ZNF32: variants seen among roughly 807,000 people sequenced by gnomAD.
The protein encoded by ZNF32 is zinc finger protein 32, also known as C2H2-546.
In ZNF32, 13 loss-of-function variants were observed where a neutral mutation model predicts 24.4. That is an observed-to-expected ratio of 0.53 (90% confidence interval 0.35 to 0.85). The LOEUF (loss-of-function observed/expected upper bound fraction) is 0.85, where lower values mean the gene tolerates loss of function less well. Ranked by LOEUF, ZNF32 falls within the 40% of genes least tolerant of loss-of-function variation. The pLI is 0.01. For synonymous variants in ZNF32, 115 were observed against 117.4 expected, an observed-to-expected ratio of 0.98 and a Z score of 0.13; for missense variants, 239 against 325.3, an observed-to-expected ratio of 0.73 and a Z score of 2.04.
At chr10:43,645,818 G>T in intron 2 of ZNF32, 1 of 664,450 alleles carries the variant, frequency 1.5e-6, no homozygotes, top group Non-Finnish European at 2.2e-6. Flanking sequence ...ACAGTGCTGA[G>T]ATTTAAGCTG....
chr10:43,647,391 A>T (rs10751330), intron 1 of ZNF32, among the ~76,000 whole-genome samples: 51,621 of 151,460 alleles, frequency 0.34, 9,301 homozygotes, highest in East Asian at 0.68. Context: ...TCTATTTTTT[A>T]AAAAAAATAT....
chr10:43,648,193 G>C (rs1304295346), intron 1 of ZNF32, among the ~76,000 whole-genome samples: 1 of 152,130 alleles, frequency 6.6e-6, no homozygotes, highest in East Asian at 1.9e-4. Context: ...CAATGAGAAG[G>C]AAAGAACCAA....
At chr10:43,647,103 G>A (rs1839326181) in intron 1 of ZNF32, 1 of 152,124 alleles carries the variant, frequency 6.6e-6, no homozygotes, top group Non-Finnish European at 1.5e-5. Context: ...ATTTTGCTCT[G>A]TTGCCCAGGC....
At chr10:43,646,877 C>CAAAGGTTCAAATCCA in intron 1 of ZNF32, among the ~76,000 whole-genome samples, 1 of 152,272 alleles carries the variant, frequency 6.6e-6, no homozygotes, top group Middle Eastern at 3.4e-3. Flanking sequence ...CAAAGTGGAG[C>CAAAGGTTCAAATCCA]AAAGGTTCAA....
chr10:43,646,906 C>T (rs997602262), intron 1 of ZNF32, among the ~76,000 whole-genome samples: 1 of 152,160 alleles, frequency 6.6e-6, no homozygotes, highest in African/African-American at 2.4e-5. Flanking sequence ...CTTTCTGGAT[C>T]CAAAATGTAT....
chr10:43,646,521 C>G (rs763143160), intron 1 of ZNF32, among the ~76,000 whole-genome samples: 22 of 152,134 alleles, frequency 1.4e-4, no homozygotes, highest in Admixed American at 3.9e-4. Context: ...TTTTGGTTCC[C>G]CACCTAACCA....
chr10:43,646,240 G>T, intron 1 of ZNF32, 38 bp from the exon 2 acceptor site: 2 of 1,256,232 alleles, frequency 1.6e-6, no homozygotes, highest in African/African-American at 1.5e-5. Context: ...ACAGGAAAGG[G>T]CAGAATAATT....
At position 43,646,203 on chromosome 10, in the gene ZNF32, C is replaced by A; in HGVS notation, c.-69-1G>T. 1 of 1,557,788 alleles carries A rather than the reference C, an allele frequency of 6.4e-7. No individual in the cohort carries two copies. The highest frequency in any genetic ancestry group is 1.2e-5 in the South Asian group (1 of 86,046). On this transcript the variant is annotated splice_acceptor_variant, in intron 1 of 2. Transcript: ENST00000374433. LOFTEE classifies it low-confidence loss of function (5UTR_SPLICE). Reference sequence around the variant, plus strand: ...TCTTCCATGGGCTGTTCCTGAGCACCTGAGGGAGAAAAACAAACAGAAACA... The same window carrying A: ...TCTTCCATGGGCTGTTCCTGAGCACATGAGGGAGAAAAACAAACAGAAACA...
intron 2 of ZNF32, chr10:43,645,024 G>C (rs1168834546): frequency 3.8e-6 from 2 of 526,964 alleles, no homozygotes; most frequent in Non-Finnish European, 6.6e-6. Context: ...GACTCAAATA[G>C]GCATTCTCCA....
intron 2 of ZNF32, 127 bp downstream of exon 2, chr10:43,645,937 C>A (rs1839270361): frequency 2.7e-6 from 4 of 1,489,218 alleles, no homozygotes; most frequent in South Asian, 1.4e-5. Flanking sequence ...TTCTTATAAC[C>A]CTAGGAACAG....
intron 1 of ZNF32, chr10:43,647,034 G>A (rs1197231886): frequency 6.6e-6 from 1 of 152,128 alleles, no homozygotes; most frequent in Non-Finnish European, 1.5e-5. Context: ...TCAGATCCTA[G>A]GAATCCTCTT....
At chr10:43,645,816 G>T in intron 2 of ZNF32, 1 of 622,110 alleles carries the variant, frequency 1.6e-6, no homozygotes, top group Non-Finnish European at 2.3e-6. Flanking sequence ...AGACAGTGCT[G>T]AGATTTAAGC....
intron 2 of ZNF32, among the ~76,000 whole-genome samples, chr10:43,645,656 T>A (rs1343969747): frequency 6.6e-6 from 1 of 152,200 alleles, no homozygotes; most frequent in Non-Finnish European, 1.5e-5. Context: ...TTATTCTCTA[T>A]GCAGATATTG....
Position 43,644,887 on chromosome 10 carries a change from T to C in ZNF32, c.71-86A>G. ...AAAAGAAACATAATACTTTGAGTGCTTATGATGTGCCAGGCCTTATTCTTT... is the reference window on the plus strand; with the variant it reads ...AAAAGAAACATAATACTTTGAGTGCCTATGATGTGCCAGGCCTTATTCTTT... On this transcript the variant is annotated intron_variant, in intron 2 of 2. Coordinates refer to ENST00000374433, the MANE Select transcript of ZNF32 (RefSeq NM_006973.3). The surrounding 1 kb of genome is among the most constrained non-coding windows in gnomAD (Gnocchi z 5.3). 1 of 1,421,188 alleles carries C rather than the reference T, an allele frequency of 7.0e-7. No individual in the cohort carries two copies. The highest frequency in any genetic ancestry group is 2.3e-5 in the East Asian group (1 of 42,824). The allele number at this position is 1,421,188 out of a possible 1,614,324, so 88.0% of individuals were successfully genotyped here.
intron 1 of ZNF32, among the ~76,000 whole-genome samples, chr10:43,648,286 A>C (rs998511887): frequency 6.6e-6 from 1 of 152,218 alleles, no homozygotes; most frequent in Non-Finnish European, 1.5e-5. Flanking sequence ...AGAGGGGTAC[A>C]CTTGGCGGTC....
chr10:43,645,508 G>C (rs140835868), intron 2 of ZNF32, among the ~76,000 whole-genome samples: 1 of 152,308 alleles, frequency 6.6e-6, no homozygotes, highest in East Asian at 1.9e-4. Flanking sequence ...GCTTAAGGAA[G>C]TTAAATAACC....
rs111266699 is a variant in ZNF32 at position 43,644,998 on chromosome 10, T to C, written c.71-197A>G. ...GGGAGCCTGTCAAAGGTCACAGAGC[T>C]AGGTAAGTTAGAGCTGACTCAAATA... On this transcript the variant is annotated intron_variant, in intron 2 of 2. Coordinates refer to ENST00000374433, the MANE Select transcript of ZNF32 (RefSeq NM_006973.3). The surrounding 1 kb of genome is among the most constrained non-coding windows in gnomAD (Gnocchi z 5.3). 5 of 617,896 alleles carry C rather than the reference T, an allele frequency of 8.1e-6. No homozygotes were observed. The highest frequency in any genetic ancestry group is 3.7e-5 in the African/African-American group (2 of 54,248). 38.3% of individuals were successfully genotyped at this position (617,896 alleles called of 1,614,324 possible). A position where few individuals can be genotyped will look rare whatever the true frequency, so the allele number is the denominator to read the frequency against.
In ZNF32 at chr10:43,644,434, A is replaced by G; in HGVS notation, c.438T>C (p.Gly146=). The G allele has an allele frequency of 6.2e-7, 1 of 1,614,072 alleles. No individual in the cohort carries two copies. The highest frequency in any genetic ancestry group is 8.5e-7 in the Non-Finnish European group (1 of 1,180,008). ...GGAGTCTCTCGTGGACAGCGAGACTACCTCGTTGACTGAAGCTTTTCCCAC... is the reference window on the plus strand; with the variant it reads ...GGAGTCTCTCGTGGACAGCGAGACTGCCTCGTTGACTGAAGCTTTTCCCAC... ...KECGKSFSQR[G]SLAVHERLHT... The change falls in exon 3 of 3, where the codon GGT becomes GGC. Residue 146 remains glycine (G), a synonymous_variant. Coordinates refer to ENST00000374433, the MANE Select transcript of ZNF32 (RefSeq NM_006973.3). This position sits in a 1 kb window ranked among gnomAD's most constrained non-coding sequence, Gnocchi z 5.3.
At chr10:43,646,040 C>T in intron 2 of ZNF32, 24 bp downstream of exon 2, 2 of 1,613,670 alleles carry the variant, frequency 1.2e-6, no homozygotes, top group Middle Eastern at 1.7e-4. Context: ...CTGAGCGCAT[C>T]CAGCCATCAA....
Sources: allele counts gnomAD v4.1 joint callset (sites outside exome capture counted in the v4.1 genomes callset), GRCh38; gene constraint gnomAD v4.1.1; non-coding constraint Gnocchi (gnomAD v3.1); transcripts MANE v1.5; gene names NCBI Gene and HGNC (gene_info 2026-07-23, HGNC 2026-07-21).